Variants in SHISA9 observed in about 807,000 individuals in gnomAD.
SHISA9 encodes shisa family member 9.
In SHISA9, 13 loss-of-function variants were observed where a neutral mutation model predicts 38.0. The observed-to-expected ratio is 0.34, with a 90% CI of 0.22 to 0.54. The LOEUF (loss-of-function observed/expected upper bound fraction) is 0.54. Ranked by LOEUF, SHISA9 falls within the 20% of genes least tolerant of loss-of-function variation. The pLI, the probability that SHISA9 is intolerant of heterozygous loss-of-function variation, is 0.91. For synonymous variants in SHISA9, 275 were observed against 242.0 expected, an observed-to-expected ratio of 1.14 and a Z score of -1.27; for missense variants, 538 against 575.8, an observed-to-expected ratio of 0.93 and a Z score of 0.67.
At chr16:13,275,215 T>C in the SHISA9 span, among the ~76,000 whole-genome samples, 1 of 152,144 alleles carries the variant, frequency 6.6e-6, no homozygotes, top group East Asian at 1.9e-4. Context: ...TATATTAATA[T>C]TGGTTGTTTT....
At chr16:13,323,993 C>A in the SHISA9 span, among the ~76,000 whole-genome samples, 1 of 152,116 alleles carries the variant, frequency 6.6e-6, no homozygotes, top group Non-Finnish European at 1.5e-5. Context: ...GTCATGAGTT[C>A]TCACTCTATT....
At chr16:13,113,338 C>T (rs2073998753) in intron 2 of SHISA9, among the ~76,000 whole-genome samples, 1 of 152,174 alleles carries the variant, frequency 6.6e-6, no homozygotes, top group African/African-American at 2.4e-5. Context: ...GGGCCAGTCA[C>T]AGAGTATCTG....
chr16:13,363,744 G>T, the SHISA9 span, among the ~76,000 whole-genome samples: 6 of 152,186 alleles, frequency 3.9e-5, no homozygotes, highest in Non-Finnish European at 8.8e-5. Flanking sequence ...TTCAGGATAA[G>T]CATGCATTGC....
At chr16:13,536,988 G>A in the SHISA9 span, among the ~76,000 whole-genome samples, 1 of 152,142 alleles carries the variant, frequency 6.6e-6, no homozygotes, top group African/African-American at 2.4e-5. Context: ...TTAATTTGGT[G>A]TCTGGTTCTT....
At chr16:13,124,686 C>G (rs1007925316) in intron 2 of SHISA9, among the ~76,000 whole-genome samples, 3 of 152,124 alleles carry the variant, frequency 2.0e-5, no homozygotes, top group African/African-American at 7.2e-5. Context: ...AAGAACAAAG[C>G]TGGAGGAATC....
At chr16:13,253,790 T>C in the SHISA9 span, among the ~76,000 whole-genome samples, 2 of 152,196 alleles carry the variant, frequency 1.3e-5, no homozygotes, top group Non-Finnish European at 2.9e-5. Context: ...TAATTATCCA[T>C]GGACAGGAGT....
the SHISA9 span, among the ~76,000 whole-genome samples, chr16:13,311,673 C>G: frequency 2.0e-5 from 3 of 152,168 alleles, no homozygotes; most frequent in African/African-American, 7.2e-5. Flanking sequence ...TCTGTATTTA[C>G]TTCGCTTTCA....
At chr16:13,270,538 C>G in the SHISA9 span, among the ~76,000 whole-genome samples, 1 of 152,138 alleles carries the variant, frequency 6.6e-6, no homozygotes, top group Non-Finnish European at 1.5e-5. Flanking sequence ...TGTGGAAATC[C>G]TTGCTCTGCA....
intron 2 of SHISA9, among the ~76,000 whole-genome samples, chr16:13,073,132 G>A (rs571079621): frequency 6.6e-6 from 1 of 152,136 alleles, no homozygotes; most frequent in East Asian, 1.9e-4. Flanking sequence ...GGCTCTGAGG[G>A]ATGAAATTGT....
intron 3 of SHISA9, among the ~76,000 whole-genome samples, chr16:13,211,857 C>T (rs1238533630): frequency 2.6e-5 from 4 of 152,174 alleles, no homozygotes; most frequent in African/African-American, 7.2e-5. Context: ...GCTTGGTCAG[C>T]GTGTGGCCAT....
At chr16:13,386,183 T>C in the SHISA9 span, among the ~76,000 whole-genome samples, 1 of 152,198 alleles carries the variant, frequency 6.6e-6, no homozygotes, top group Non-Finnish European at 1.5e-5. Context: ...TTAATGTCAA[T>C]ATCCTGATTA....
chr16:12,948,809 A>G (rs1448802527), intron 2 of SHISA9, among the ~76,000 whole-genome samples: 1 of 152,206 alleles, frequency 6.6e-6, no homozygotes, highest in Non-Finnish European at 1.5e-5. Context: ...GACCATAGCA[A>G]TATCCTTCTA....
chr16:13,132,436 T>G (rs896066457), intron 2 of SHISA9, among the ~76,000 whole-genome samples: 1 of 152,226 alleles, frequency 6.6e-6, no homozygotes, highest in East Asian at 1.9e-4. Context: ...ACTCAGAATT[T>G]TCATACCTTT....
At chr16:13,370,140 A>G in the SHISA9 span, among the ~76,000 whole-genome samples, 1 of 152,298 alleles carries the variant, frequency 6.6e-6, no homozygotes, top group East Asian at 1.9e-4. Context: ...TCAGTGGGGT[A>G]TAAGGTATTT....
intron 3 of SHISA9, chr16:13,204,756 C>G (rs973658515): frequency 6.6e-6 from 1 of 152,184 alleles, no homozygotes; most frequent in African/African-American, 2.4e-5. Context: ...ATGATTATCC[C>G]AATTACCAGA....
intron 2 of SHISA9, among the ~76,000 whole-genome samples, chr16:13,126,634 GGA>G (rs1053556139): frequency 8.2e-5 from 12 of 145,858 alleles, no homozygotes; most frequent in Non-Finnish European, 7.5e-5. Context: ...AGAGGGGTGG[GGA>G]GAGAGAGAGG....
chr16:13,088,325 G>A (rs1007204046), intron 2 of SHISA9, among the ~76,000 whole-genome samples: 3 of 150,746 alleles, frequency 2.0e-5, no homozygotes, highest in African/African-American at 7.3e-5. Context: ...GGTTCCATAT[G>A]TGTAGTTTTT....
At chr16:13,361,644 C>T in the SHISA9 span, among the ~76,000 whole-genome samples, 3 of 152,122 alleles carry the variant, frequency 2.0e-5, no homozygotes, top group Middle Eastern at 3.2e-3. Context: ...AATCTTTTTC[C>T]TAATTACAGA....
chr16:13,302,576 G>C, the SHISA9 span, among the ~76,000 whole-genome samples: 1 of 152,112 alleles, frequency 6.6e-6, no homozygotes, highest in Non-Finnish European at 1.5e-5. Flanking sequence ...CTCCCAGAAG[G>C]GGATCCCAGC....
Sources: gnomAD v4.1 joint callset for allele counts (sites outside exome capture counted in the v4.1 genomes callset) on GRCh38, gnomAD v4.1.1 for gene constraint, MANE v1.5 for transcripts, NCBI Gene and HGNC (gene_info 2026-07-23, HGNC 2026-07-21) for gene names.